Variants in DENND1A observed in about 807,000 individuals in gnomAD.
DENND1A encodes DENN domain-containing protein 1A.
In DENND1A, 51 loss-of-function variants were observed where a neutral mutation model predicts 113.7. The observed-to-expected ratio is 0.45, with a 90% confidence interval of 0.36 to 0.57. The LOEUF (loss-of-function observed/expected upper bound fraction) is 0.57, where lower values mean the gene tolerates loss of function less well. Among genes scored for constraint, DENND1A ranks in the 20% least tolerant of loss-of-function variants. The probability of loss-of-function intolerance (pLI) is 0.00; values close to 1 mark genes in which losing one functional copy is unlikely to be tolerated. For synonymous variants in DENND1A, 565 were observed against 570.8 expected (o/e 0.99, Z 0.14); for missense variants, 1,258 against 1,395.9 (o/e 0.90, Z 1.57).
intron 1 of DENND1A, among the ~76,000 whole-genome samples, chr9:123,902,629 A>G (rs1851865369): frequency 6.6e-6 from 1 of 152,186 alleles, no homozygotes; most frequent in Non-Finnish European, 1.5e-5. Flanking sequence ...AACATTGCAA[A>G]TGAGAGAAAA....
intron 6 of DENND1A, among the ~76,000 whole-genome samples, chr9:123,674,342 TCACACACACACACACACACACA>T (rs546398875): frequency 5.3e-5 from 7 of 132,376 alleles, no homozygotes; most frequent in South Asian, 5.1e-4. Flanking sequence ...TGTCTCTCTC[TCACACACACACACACACACACA>T]CACACACACA....
At chr9:123,779,999 GC>G (rs11290706) in intron 3 of DENND1A, among the ~76,000 whole-genome samples, 37,196 of 151,552 alleles carry the variant, frequency 0.25, 6,833 homozygotes, top group African/African-American at 0.52. Flanking sequence ...GATTACAGGC[GC>G]CCCCCCACCA....
chr9:123,928,643 G>A, intron 1 of DENND1A: 1 of 985,444 alleles, frequency 1.0e-6, no homozygotes, highest in South Asian at 4.7e-5. Context: ...CAAGGCTGCT[G>A]CAGCGCATCT....
chr9:123,743,758 T>A (rs969922504), intron 5 of DENND1A, among the ~76,000 whole-genome samples: 2 of 151,458 alleles, frequency 1.3e-5, no homozygotes, highest in African/African-American at 2.4e-5. Context: ...AATAAAAAAA[T>A]TTAAATTTAA....
intron 21 of DENND1A, chr9:123,400,040 C>A (rs894782050): frequency 1.3e-5 from 2 of 152,226 alleles, no homozygotes; most frequent in Admixed American, 1.3e-4. Context: ...CCCTGCCCCA[C>A]GGAAGCCCCT....
chr9:123,397,560 C>A (rs762137705), intron 21 of DENND1A, among the ~76,000 whole-genome samples: 1 of 152,198 alleles, frequency 6.6e-6, no homozygotes, highest in Non-Finnish European at 1.5e-5. Context: ...AGCATACACA[C>A]AATGAGATCC....
rs909406321 is a variant in DENND1A, at chr9:123,382,503, T to G, written c.2142A>C (p.Pro714=). 3 of 1,613,794 alleles carry G rather than the reference T, an allele frequency of 1.9e-6. No homozygotes were observed. The African/African-American group carries it at 4.0e-5, about 22-fold the overall frequency. The part of the protein sequence containing the change: ...QDDMAIPSKP[P]AASPEKPSAL... ...CTGAGGGCTTCTCAGGGGAGGCAGCTGGGGGCTTGCTGGGGATGGCCATGT... is the reference window on the plus strand; with the variant it reads ...CTGAGGGCTTCTCAGGGGAGGCAGCGGGGGGCTTGCTGGGGATGGCCATGT... The change falls in exon 24 of 24, where the codon CCA becomes CCC. Residue 714 remains proline (P), a synonymous_variant. Transcript: ENST00000394215.
chr9:123,765,343 G>C (rs535508996), intron 4 of DENND1A, among the ~76,000 whole-genome samples: 1 of 152,232 alleles, frequency 6.6e-6, no homozygotes, highest in Admixed American at 6.5e-5. Context: ...CTCCTGTGTG[G>C]CATGAGGATA....
intron 2 of DENND1A, among the ~76,000 whole-genome samples, chr9:123,815,588 G>C (rs1029212011): frequency 3.3e-5 from 5 of 152,140 alleles, no homozygotes; most frequent in African/African-American, 4.8e-5. Flanking sequence ...AAGAAATACT[G>C]TTTAAAATGA....
intron 3 of DENND1A, among the ~76,000 whole-genome samples, chr9:123,791,844 T>C (rs1397703782): frequency 3.3e-5 from 5 of 152,224 alleles, no homozygotes; most frequent in African/African-American, 9.6e-5. Context: ...TTAAAAAGTA[T>C]ACCAAATTGC....
At chr9:123,754,445 C>T (rs1589947447) in intron 5 of DENND1A, among the ~76,000 whole-genome samples, 1 of 152,176 alleles carries the variant, frequency 6.6e-6, no homozygotes, top group Non-Finnish European at 1.5e-5. Flanking sequence ...ATATTAAATA[C>T]TCATAAAATT....
intron 13 of DENND1A, among the ~76,000 whole-genome samples, chr9:123,531,602 CAG>C (rs2055328005): frequency 6.8e-6 from 1 of 147,532 alleles, no homozygotes; most frequent in African/African-American, 2.6e-5. Context: ...CACACACACA[CAG>C]AAGGCAATTA....
chr9:123,419,903 C>A (rs1240239806), intron 19 of DENND1A, among the ~76,000 whole-genome samples: 2 of 152,224 alleles, frequency 1.3e-5, no homozygotes, highest in Non-Finnish European at 2.9e-5. Flanking sequence ...CTTGCCTCCA[C>A]TTCAGAGCTT....
chr9:123,733,401 T>A (rs1319277927), intron 5 of DENND1A, among the ~76,000 whole-genome samples: 1 of 152,062 alleles, frequency 6.6e-6, no homozygotes, highest in Non-Finnish European at 1.5e-5. Context: ...CATCTCAGCC[T>A]CCTAAGTAAT....
At chr9:123,806,682 A>G (rs1590166539) in intron 2 of DENND1A, among the ~76,000 whole-genome samples, 1 of 152,192 alleles carries the variant, frequency 6.6e-6, no homozygotes, top group African/African-American at 2.4e-5. Flanking sequence ...CTTAACCTGT[A>G]CTTATTATCT....
chr9:123,567,411 T>C (rs2058114413), intron 12 of DENND1A, among the ~76,000 whole-genome samples: 2 of 152,224 alleles, frequency 1.3e-5, no homozygotes, highest in African/African-American at 2.4e-5. Context: ...ATATGTTTTT[T>C]ACAACACAAC....
intron 2 of DENND1A, among the ~76,000 whole-genome samples, chr9:123,831,624 T>C (rs1840227555): frequency 6.6e-6 from 1 of 152,174 alleles, no homozygotes. Flanking sequence ...CCTGCATACA[T>C]GGACATTTGA....
intron 5 of DENND1A, among the ~76,000 whole-genome samples, chr9:123,684,619 A>G (rs1043409073): frequency 2.0e-5 from 3 of 152,218 alleles, no homozygotes; most frequent in Non-Finnish European, 4.4e-5. Flanking sequence ...GGAAAAGCAC[A>G]CCTCATCTTC....
At chr9:123,743,844 G>T (rs1038402844) in intron 5 of DENND1A, among the ~76,000 whole-genome samples, 1 of 151,974 alleles carries the variant, frequency 6.6e-6, no homozygotes, top group African/African-American at 2.4e-5. Flanking sequence ...AAGGAAACAG[G>T]CTCAGAAAGG....
Sources: gnomAD v4.1 joint callset for allele counts (sites outside exome capture counted in the v4.1 genomes callset) on GRCh38, gnomAD v4.1.1 for gene constraint, MANE v1.5 for transcripts, NCBI Gene and HGNC (gene_info 2026-07-23, HGNC 2026-07-21) for gene names.